The following CNTN4 variants were observed in gnomAD, a reference collection of about 807,000 sequenced individuals.
CNTN4 encodes contactin-4.
In CNTN4, 77 loss-of-function variants were observed where a neutral mutation model predicts 122.5. That is an observed-to-expected ratio of 0.63 (90% CI 0.52 to 0.76). The LOEUF is 0.76. Among genes scored for constraint, CNTN4 ranks in the 30% least tolerant of loss-of-function variants. The pLI is 0.00. For missense variants in CNTN4, 1,256 were observed against 1,259.1 expected (o/e 1.00, Z 0.04); for synonymous variants, 512 against 447.0 (o/e 1.15, Z -1.83).
chr3:2,860,436 G>T (rs559870729), intron 7 of CNTN4, among the ~76,000 whole-genome samples: 3 of 152,272 alleles, frequency 2.0e-5, no homozygotes, highest in East Asian at 1.9e-4. Context: ...GGATGGTCCT[G>T]CTCATTGCTT....
chr3:2,466,970 C>CTTTTTT (rs60879017), intron 3 of CNTN4, among the ~76,000 whole-genome samples: 48 of 115,810 alleles, frequency 4.1e-4, no homozygotes, highest in African/African-American at 7.8e-4. Flanking sequence ...TTCTTTCTTT[C>CTTTTTT]TTTTTTTTTT....
At chr3:2,423,979 G>A (rs2047715352) in intron 3 of CNTN4, among the ~76,000 whole-genome samples, 1 of 99,710 alleles carries the variant, frequency 1.0e-5, no homozygotes. Flanking sequence ...CATACCTAAT[G>A]TAAATGACGA....
intron 2 of CNTN4, among the ~76,000 whole-genome samples, chr3:2,243,023 T>A (rs2149623722): frequency 6.6e-6 from 1 of 152,252 alleles, no homozygotes; most frequent in South Asian, 2.1e-4. Context: ...ATGCAGAATC[T>A]GGTGCAAGCT....
At chr3:2,493,283 T>C (rs2076366949) in intron 3 of CNTN4, among the ~76,000 whole-genome samples, 1 of 151,984 alleles carries the variant, frequency 6.6e-6, no homozygotes, top group South Asian at 2.1e-4. Context: ...ACCCTAATAC[T>C]CTTGCAGAAT....
At chr3:2,673,601 C>T (rs977672915) in intron 4 of CNTN4, among the ~76,000 whole-genome samples, 2 of 152,072 alleles carry the variant, frequency 1.3e-5, no homozygotes, top group African/African-American at 2.4e-5. Flanking sequence ...AGTGCAGTGG[C>T]GTGATCTCGG....
At chr3:2,903,079 C>T in intron 12 of CNTN4, 74 bp downstream of exon 12, 4 of 1,455,250 alleles carry the variant, frequency 2.7e-6, no homozygotes, top group South Asian at 2.4e-5. Context: ...CTTTGCCAAG[C>T]ATAAATGTTC....
chr3:2,777,954 C>T (rs2091395660), intron 6 of CNTN4, among the ~76,000 whole-genome samples: 1 of 152,178 alleles, frequency 6.6e-6, no homozygotes, highest in Non-Finnish European at 1.5e-5. Context: ...GTGGCTCATG[C>T]CTGTAATGCC....
chr3:2,935,165 A>T (rs1237111038), intron 13 of CNTN4, among the ~76,000 whole-genome samples: 4 of 152,176 alleles, frequency 2.6e-5, no homozygotes, highest in Non-Finnish European at 4.4e-5. Flanking sequence ...GCCAGGGTTA[A>T]AATGATGACT....
chr3:2,577,242 G>A (rs542480164), intron 4 of CNTN4, among the ~76,000 whole-genome samples: 5 of 152,262 alleles, frequency 3.3e-5, no homozygotes, highest in Non-Finnish European at 5.9e-5. Context: ...ATAGCAGAGA[G>A]GCAGCTTAGT....
intron 2 of CNTN4, among the ~76,000 whole-genome samples, chr3:2,186,227 A>G (rs1049732525): frequency 1.3e-5 from 2 of 152,102 alleles, no homozygotes; most frequent in African/African-American, 2.4e-5. Context: ...GATGGTTTCC[A>G]GCTTCATCCA....
At chr3:2,369,744 A>G (rs1281326349) in intron 3 of CNTN4, among the ~76,000 whole-genome samples, 1 of 152,172 alleles carries the variant, frequency 6.6e-6, no homozygotes, top group East Asian at 1.9e-4. Flanking sequence ...CCTGCATTGC[A>G]TCTAATTGTA....
At chr3:2,212,107 G>A (rs1199148623) in intron 2 of CNTN4, among the ~76,000 whole-genome samples, 1 of 152,038 alleles carries the variant, frequency 6.6e-6, no homozygotes, top group Non-Finnish European at 1.5e-5. Flanking sequence ...GAATAGCTGG[G>A]ATTACAGATG....
intron 2 of CNTN4, among the ~76,000 whole-genome samples, chr3:2,191,701 T>TACACACACACAC (rs1335159198): frequency 6.3e-5 from 2 of 31,998 alleles, no homozygotes; most frequent in Non-Finnish European, 1.7e-4. Context: ...TATGTATATA[T>TACACACACACAC]ATATATATAC....
chr3:2,291,858 C>T (rs763228866), intron 2 of CNTN4, among the ~76,000 whole-genome samples: 10 of 152,076 alleles, frequency 6.6e-5, no homozygotes, highest in East Asian at 1.9e-4. Flanking sequence ...CTCTGCCTCC[C>T]GAGTAGCTGG....
At chr3:2,669,582 C>G (rs541250703) in intron 4 of CNTN4, among the ~76,000 whole-genome samples, 40 of 152,176 alleles carry the variant, frequency 2.6e-4, no homozygotes, top group African/African-American at 9.4e-4. Flanking sequence ...TTTTTTGTGT[C>G]TCTATCTCCT....
chr3:2,305,704 T>C (rs1666346), intron 2 of CNTN4, among the ~76,000 whole-genome samples: 61,927 of 151,882 alleles, frequency 0.41, 13,310 homozygotes, highest in East Asian at 0.55. Context: ...TAGTATATTC[T>C]CAGATTGTGC....
intron 3 of CNTN4, among the ~76,000 whole-genome samples, chr3:2,401,475 A>C (rs2046856642): frequency 6.6e-6 from 1 of 152,174 alleles, no homozygotes; most frequent in Admixed American, 6.6e-5. Context: ...AGATAATAAA[A>C]TAGAGTTTTC....
intron 2 of CNTN4, among the ~76,000 whole-genome samples, chr3:2,113,256 CTTTGA>C (rs1230000459): frequency 6.6e-6 from 1 of 152,052 alleles, no homozygotes; most frequent in Non-Finnish European, 1.5e-5. Context: ...TGATATTGAT[CTTTGA>C]TGTTATGTAT....
intron 3 of CNTN4, among the ~76,000 whole-genome samples, chr3:2,545,389 G>A (rs58573023): frequency 0.11 from 16,284 of 151,978 alleles, 1,042 homozygotes; most frequent in African/African-American, 0.17. Flanking sequence ...TTGGTCAAGT[G>A]TTGGGATCAG....
Sources: gnomAD v4.1 joint callset for allele counts (sites outside exome capture counted in the v4.1 genomes callset) on GRCh38, gnomAD v4.1.1 for gene constraint, MANE v1.5 for transcripts, NCBI Gene and HGNC (gene_info 2026-07-23, HGNC 2026-07-21) for gene names.